Variants in TKT observed in about 807,000 individuals in gnomAD.
TKT encodes epididymis luminal protein 107.
Under a neutral mutation model 63.9 loss-of-function variants are expected in TKT, and 47 were observed. The ratio of observed to expected loss-of-function variants is 0.74; its 90% confidence interval spans 0.58 to 0.94. TKT has a LOEUF of 0.94. TKT is among the 40% of genes least tolerant of loss of function. The pLI is 0.00. For synonymous variants in TKT, 338 were observed against 334.1 expected (o/e 1.01, Z -0.13); for missense variants, 721 against 846.2 (o/e 0.85, Z 1.84).
chr3:53,233,998 G>A (rs1460861559), intron 5 of TKT: 1 of 152,216 alleles, frequency 6.6e-6, no homozygotes, highest in Non-Finnish European at 1.5e-5. Context: ...TAGCGGTGGA[G>A]CCAGGACTTC....
Position 53,255,819 on chromosome 3 carries a change from C to T in TKT, c.107+17G>A, listed in dbSNP as rs781854083. On this transcript the variant is annotated intron_variant, in intron 1 of 13. Coordinates refer to ENST00000462138, the MANE Select transcript of TKT (RefSeq NM_001064.4). ...GCCCCGCCCGAGCCGCGTCCCCGGC[C>T]GGCGCCGCGCACTCACCCAGAGCCC... is the stretch of plus-strand genomic sequence containing the variant. 6.8e-7 allele frequency: 1 copy of T among 1,475,154 alleles called. No individual in the cohort carries two copies. The highest frequency in any genetic ancestry group is 9.0e-7 in the Non-Finnish European group (1 of 1,109,784). The allele number at this position is 1,475,154 out of a possible 1,614,324, so 91.4% of individuals were successfully genotyped here. A position where few individuals can be genotyped will look rare whatever the true frequency, so the allele number is the denominator to read the frequency against.
chr3:53,239,690 A>G (rs1553679382), intron 4 of TKT, among the ~76,000 whole-genome samples: 1 of 151,758 alleles, frequency 6.6e-6, no homozygotes, highest in East Asian at 1.9e-4. Context: ...AGAGCAGCAC[A>G]CCTTTCTGGT....
intron 8 of TKT, 75 bp from the exon 9 acceptor site, chr3:53,229,511 G>A: frequency 1.4e-6 from 2 of 1,476,766 alleles, no homozygotes; most frequent in Non-Finnish European, 1.8e-6. Context: ...CCCCTTTTGT[G>A]GAGAAAGCCA....
Position 53,240,454 on chromosome 3 carries a change from G to C in TKT, c.340-106C>G, listed in dbSNP as rs751404044. On this transcript the variant is annotated intron_variant, in intron 3 of 13. Coordinates refer to ENST00000462138, the MANE Select transcript of TKT (RefSeq NM_001064.4). ...CAGCCCAGCAAGCCCTTCCTCTGCA[G>C]AAGGTCAGGCCCCAGGATGGCCTCT... 5.3e-5 allele frequency: 53 copies of C among 997,312 alleles called. 1 individual carries two copies. The South Asian group carries it at 6.1e-4, about 12-fold the overall frequency. The allele number at this position is 997,312 out of a possible 1,614,324, so 61.8% of individuals were successfully genotyped here. A position where few individuals can be genotyped will look rare whatever the true frequency, so the allele number is the denominator to read the frequency against.
intron 1 of TKT, among the ~76,000 whole-genome samples, chr3:53,253,881 C>A (rs1488073693): frequency 6.6e-6 from 1 of 152,170 alleles, no homozygotes; most frequent in Non-Finnish European, 1.5e-5. Context: ...TGATTACAGG[C>A]ATGAACCACC....
intron 1 of TKT, among the ~76,000 whole-genome samples, chr3:53,244,369 C>A (rs1037357174): frequency 6.6e-6 from 1 of 152,202 alleles, no homozygotes; most frequent in Non-Finnish European, 1.5e-5. Context: ...CTTCGTCAAC[C>A]CGGGGCTCAG....
chr3:53,251,284 A>G (rs141628585), intron 1 of TKT, among the ~76,000 whole-genome samples: 2 of 152,336 alleles, frequency 1.3e-5, no homozygotes, highest in Non-Finnish European at 2.9e-5. Flanking sequence ...CACTGTTTGG[A>G]TAACACCACA....
chr3:53,248,121 A>T (rs2106723257), intron 1 of TKT, among the ~76,000 whole-genome samples: 1 of 152,344 alleles, frequency 6.6e-6, no homozygotes. Flanking sequence ...TGTAGTGTGT[A>T]TGTACAGAAC....
At chr3:53,243,795 C>T (rs9858049) in intron 1 of TKT, among the ~76,000 whole-genome samples, 28,616 of 152,130 alleles carry the variant, frequency 0.19, 3,545 homozygotes, top group African/African-American at 0.35. Flanking sequence ...TTCCCACCTC[C>T]AAGGGCAGCC....
Position 53,225,702 on chromosome 3 carries a change from C to A in TKT, c.*54G>T, listed in dbSNP as rs1704464802. The stretch of plus-strand genomic sequence containing the variant: ...CTCCTCTCAGTACATCTTTGAGCAC[C>A]TTTCCCAGAATCTCAGGAATGTATA... On this transcript the variant is annotated 3_prime_UTR_variant, in exon 14 of 14. Transcript: ENST00000462138. The A allele has an allele frequency of 5.7e-5, 86 of 1,517,048 alleles. No individual in the cohort carries two copies. Among genetic ancestry groups the A allele is most frequent in the Non-Finnish European group, 7.5e-5 (84 of 1,122,170 alleles). 94.0% of individuals were successfully genotyped at this position (1,517,048 alleles called of 1,614,324 possible).
chr3:53,242,057 C>A, intron 2 of TKT, 68 bp downstream of exon 2: 2 of 1,472,042 alleles, frequency 1.4e-6, no homozygotes, highest in Non-Finnish European at 1.9e-6. Context: ...GACCACTCAC[C>A]ATTCCAGGGC....
At chr3:53,241,106 T>C (rs782179053) in intron 3 of TKT, 26 bp downstream of exon 3, 1 of 1,526,286 alleles carries the variant, frequency 6.6e-7, no homozygotes, top group Non-Finnish European at 8.7e-7. Context: ...GGCAGAGGCA[T>C]GGGAGGCTCT....
At chr3:53,242,026 G>C in intron 2 of TKT, 99 bp downstream of exon 2, 2 of 1,131,214 alleles carry the variant, frequency 1.8e-6, no homozygotes, top group East Asian at 4.7e-5. Context: ...GGAGAGGTGG[G>C]CCCAGCCAGG....
intron 1 of TKT, 79 bp from the exon 2 acceptor site, chr3:53,242,321 C>T: frequency 7.1e-7 from 1 of 1,400,254 alleles, no homozygotes; most frequent in Non-Finnish European, 1.0e-6. Flanking sequence ...GTACAGGGAC[C>T]TGGGGGTGCA....
chr3:53,237,301 T>C (rs1051691629), intron 4 of TKT, among the ~76,000 whole-genome samples: 4 of 151,566 alleles, frequency 2.6e-5, no homozygotes, highest in African/African-American at 9.7e-5. Context: ...GGCAGGAGAA[T>C]TACTTGAACC....
Position 53,235,099 on chromosome 3 carries a change from GCTGGCGAAGGC to G in TKT, c.502_512del (p.Ala168HisfsTer3), listed in dbSNP as rs782568594. On this transcript the variant is annotated frameshift_variant, in exon 5 of 14. Coordinates refer to ENST00000462138, the MANE Select transcript of TKT (RefSeq NM_001064.4). LOFTEE classifies it high-confidence loss of function. ...CCACAAGGTTGTCCAGCTTATAGAT[GCTGGCGAAGGC>G]CATGGCCTCCCATACAGAGCCCTCT... 4.3e-6 allele frequency: 7 copies of G among 1,613,770 alleles called. No individual in the cohort carries two copies. The highest frequency in any genetic ancestry group is 1.3e-5 in the African/African-American group (1 of 74,932).
At chr3:53,241,058 C>T in intron 3 of TKT, 74 bp downstream of exon 3, 2 of 1,339,252 alleles carry the variant, frequency 1.5e-6, no homozygotes, top group Admixed American at 5.4e-5. Flanking sequence ...TGGGCACCCC[C>T]TACCCCCGTC....
chr3:53,250,762 T>C (rs1705708599), intron 1 of TKT, among the ~76,000 whole-genome samples: 1 of 151,870 alleles, frequency 6.6e-6, no homozygotes, highest in Non-Finnish European at 1.5e-5. Context: ...ACTGAGAACC[T>C]GAGATAGGAA....
At chr3:53,228,815 TG>T in intron 10 of TKT, 191 bp downstream of exon 10, 1 of 776,446 alleles carries the variant, frequency 1.3e-6, no homozygotes, top group Non-Finnish European at 2.1e-6. Context: ...CAGTTGACAA[TG>T]TCTGCCACGT....
Sources: gnomAD v4.1 joint callset for allele counts (sites outside exome capture counted in the v4.1 genomes callset) on GRCh38, gnomAD v4.1.1 for gene constraint, MANE v1.5 for transcripts, NCBI Gene and HGNC (gene_info 2026-07-23, HGNC 2026-07-21) for gene names.